DOK6: variants seen among roughly 807,000 people sequenced by gnomAD.
DOK6 encodes the protein downstream of tyrosine kinase 6.
A neutral mutation model predicts 44.0 loss-of-function variants in DOK6; 22 were observed. The ratio of observed to expected loss-of-function variants is 0.50; its 90% CI spans 0.36 to 0.71. The LOEUF is 0.71. DOK6 is among the 30% of genes least tolerant of loss of function. The pLI is 0.00. For missense variants in DOK6, 340 were observed against 416.4 expected, an observed-to-expected ratio of 0.82 and a Z score of 1.60; for synonymous variants, 166 against 145.5, an observed-to-expected ratio of 1.14 and a Z score of -1.01.
intron 1 of DOK6, among the ~76,000 whole-genome samples, chr18:69,466,121 C>A (rs1225644206): frequency 6.6e-6 from 1 of 152,076 alleles, no homozygotes; most frequent in African/African-American, 2.4e-5. Flanking sequence ...ACTTATTCAT[C>A]CTGTCTAGCT....
chr18:69,572,591 G>T (rs1235711197), intron 2 of DOK6, among the ~76,000 whole-genome samples: 1 of 151,910 alleles, frequency 6.6e-6, no homozygotes, highest in Non-Finnish European at 1.5e-5. Context: ...CCTTGGGAAA[G>T]ACAGAGAAGA....
At chr18:69,698,959 T>C (rs920629460) in intron 5 of DOK6, among the ~76,000 whole-genome samples, 3 of 152,222 alleles carry the variant, frequency 2.0e-5, no homozygotes, top group Admixed American at 1.3e-4. Context: ...ATGTCCTTGC[T>C]TGCATTGTTT....
At chr18:69,733,062 T>C (rs1978467626) in intron 5 of DOK6, among the ~76,000 whole-genome samples, 2 of 152,094 alleles carry the variant, frequency 1.3e-5, no homozygotes, top group African/African-American at 4.8e-5. Flanking sequence ...GGCATGGCAG[T>C]GTACGCCTGT....
At chr18:69,580,062 C>T (rs555553416) in intron 2 of DOK6, among the ~76,000 whole-genome samples, 1 of 152,102 alleles carries the variant, frequency 6.6e-6, no homozygotes, top group Non-Finnish European at 1.5e-5. Flanking sequence ...CTTTAGTTTT[C>T]TTTTGCTACA....
At chr18:69,451,294 A>G (rs1214437276) in intron 1 of DOK6, among the ~76,000 whole-genome samples, 2 of 125,224 alleles carry the variant, frequency 1.6e-5, no homozygotes, top group Admixed American at 9.0e-5. Context: ...TTAAACCAAC[A>G]AAGATGAAAA....
chr18:69,841,367 C>T lies in DOK6; in HGVS notation c.980C>T (p.Ser327Phe). 1 of 1,614,176 alleles carries T rather than the reference C, an allele frequency of 6.2e-7. No individual in the cohort carries two copies. Among genetic ancestry groups the T allele is most frequent in the South Asian group, 1.1e-5 (1 of 91,078 alleles). ...AGCAGCTATGGATTCAGCTACAGCT[C>T]CAGCCTCATCCAATGACACACAGAG... ...RSSSYGFSYS[S>F]SLIQ The change falls in exon 8 of 8, where the codon TCC becomes TTC. Residue 327 changes from serine to phenylalanine, a missense_variant. Around this residue, in one of 3 missense-constraint regions of DOK6, gnomAD observed 112 missense variants for 109.3 expected, o/e 1.02. Transcript: ENST00000382713.
chr18:69,597,678 CCA>C (rs1983776125), intron 2 of DOK6, among the ~76,000 whole-genome samples: 1 of 152,148 alleles, frequency 6.6e-6, no homozygotes, highest in Admixed American at 6.5e-5. Context: ...TACAGTATGA[CCA>C]CAAACACAAT....
At chr18:69,763,583 GAGAA>G (rs1157551911) in intron 7 of DOK6, among the ~76,000 whole-genome samples, 2 of 152,078 alleles carry the variant, frequency 1.3e-5, no homozygotes, top group Non-Finnish European at 2.9e-5. Context: ...ATTTAAAAAA[GAGAA>G]AGAAAGAAAT....
At chr18:69,567,054 T>A (rs1235204553) in intron 2 of DOK6, among the ~76,000 whole-genome samples, 1 of 152,210 alleles carries the variant, frequency 6.6e-6, no homozygotes, top group African/African-American at 2.4e-5. Flanking sequence ...TCACTTAGCT[T>A]CCACTGTGAG....
chr18:69,426,779 T>C (rs1978649864), intron 1 of DOK6, among the ~76,000 whole-genome samples: 1 of 152,236 alleles, frequency 6.6e-6, no homozygotes, highest in Non-Finnish European at 1.5e-5. Flanking sequence ...TCATCTCTAC[T>C]AGTCTGATGT....
intron 3 of DOK6, among the ~76,000 whole-genome samples, chr18:69,631,817 C>T (rs1215624325): frequency 2.0e-5 from 3 of 152,166 alleles, no homozygotes; most frequent in Non-Finnish European, 4.4e-5. Flanking sequence ...AAAATCCAAG[C>T]GCTATCCTCT....
intron 1 of DOK6, among the ~76,000 whole-genome samples, chr18:69,550,784 T>C (rs1982545055): frequency 6.8e-6 from 1 of 146,656 alleles, no homozygotes; most frequent in African/African-American, 2.5e-5. Flanking sequence ...TTTCTTTTTT[T>C]TTTTTTTTTT....
At chr18:69,761,163 C>T (rs34236400) in intron 7 of DOK6, among the ~76,000 whole-genome samples, 13 of 140,806 alleles carry the variant, frequency 9.2e-5, no homozygotes, top group South Asian at 2.4e-4. Flanking sequence ...TGAAATCTTA[C>T]TGGGAAGCTG....
intron 6 of DOK6, among the ~76,000 whole-genome samples, chr18:69,745,386 C>A (rs949055214): frequency 6.6e-6 from 1 of 152,180 alleles, no homozygotes; most frequent in Non-Finnish European, 1.5e-5. Flanking sequence ...ATCAAAATGA[C>A]CCAACATACA....
intron 1 of DOK6, among the ~76,000 whole-genome samples, chr18:69,485,990 A>G (rs1271949899): frequency 1.3e-5 from 2 of 151,822 alleles, no homozygotes; most frequent in Non-Finnish European, 2.9e-5. Context: ...TGATCTTCCT[A>G]TAAGTATTAT....
intron 2 of DOK6, among the ~76,000 whole-genome samples, chr18:69,586,549 C>T (rs898561217): frequency 1.6e-4 from 24 of 152,162 alleles, no homozygotes; most frequent in Non-Finnish European, 7.4e-5. Flanking sequence ...TCAGGACTTC[C>T]CATCTGAACG....
At chr18:69,767,847 G>A (rs1055957485) in intron 7 of DOK6, among the ~76,000 whole-genome samples, 4 of 152,134 alleles carry the variant, frequency 2.6e-5, no homozygotes, top group African/African-American at 9.7e-5. Context: ...GACTCACAGT[G>A]CAAAATATAC....
intron 1 of DOK6, among the ~76,000 whole-genome samples, chr18:69,496,536 A>C (rs921274896): frequency 6.6e-6 from 1 of 152,244 alleles, no homozygotes; most frequent in African/African-American, 2.4e-5. Context: ...AATTTCACAC[A>C]GTTCCCCAAA....
At chr18:69,511,669 T>A (rs1981369041) in intron 1 of DOK6, among the ~76,000 whole-genome samples, 2 of 152,230 alleles carry the variant, frequency 1.3e-5, no homozygotes, top group South Asian at 4.1e-4. Flanking sequence ...ATTGATCTCC[T>A]TAACGGTTAT....
Sources: allele counts gnomAD v4.1 joint callset (sites outside exome capture counted in the v4.1 genomes callset), GRCh38; gene constraint gnomAD v4.1.1; regional missense constraint gnomAD v4.1.1; transcripts MANE v1.5; gene names NCBI Gene and HGNC (gene_info 2026-07-23, HGNC 2026-07-21).